The following TXNDC11 variants were observed in gnomAD, a reference collection of about 807,000 sequenced individuals.
TXNDC11 encodes thioredoxin domain-containing protein 11.
A neutral mutation model predicts 78.0 loss-of-function variants in TXNDC11; 68 were observed. The ratio of observed to expected loss-of-function variants is 0.87; its 90% CI spans 0.72 to 1.07. The LOEUF (loss-of-function observed/expected upper bound fraction) is 1.07. TXNDC11 is among the 50% of genes least tolerant of loss of function. The pLI is 0.00. For missense variants in TXNDC11, 1,389 were observed against 1,221.8 expected, an observed-to-expected ratio of 1.14 and a Z score of -2.04; for synonymous variants, 571 against 495.2, an observed-to-expected ratio of 1.15 and a Z score of -2.03.
intron 10 of TXNDC11, among the ~76,000 whole-genome samples, chr16:11,686,692 G>C (rs560359429): frequency 1.3e-5 from 2 of 152,110 alleles, no homozygotes; most frequent in African/African-American, 2.4e-5. Flanking sequence ...ACATTTATTA[G>C]GTTATAATTT....
At chr16:11,725,340 C>A (rs1265181038) in intron 4 of TXNDC11, among the ~76,000 whole-genome samples, 7 of 142,452 alleles carry the variant, frequency 4.9e-5, no homozygotes, top group Non-Finnish European at 7.7e-5. Context: ...CATATTTATT[C>A]TTTTAAGTAT....
chr16:11,703,755 G>A (rs1475071796), intron 5 of TXNDC11: 2 of 701,068 alleles, frequency 2.9e-6, no homozygotes, highest in Admixed American at 2.0e-5. Flanking sequence ...CCAGAGCTGG[G>A]GTGAAGAAAG....
rs759152334 is a variant in TXNDC11 at position 11,721,658 on chromosome 16, C to T, written c.712G>A (p.Gly238Arg). The T allele has an allele frequency of 5.0e-6, 8 of 1,609,678 alleles. No individual in the cohort carries two copies. Among genetic ancestry groups the T allele is most frequent in the East Asian group, 2.2e-5 (1 of 44,688 alleles). Residue 238 changes from glycine to arginine, a missense_variant, in exon 5 of 12, where the codon GGG becomes AGG. Transcript: ENST00000283033. ...GGTGAGCCACTGAACTCAAAGTACC[C>T]GAGTACTCCAGGCTGCAGGAAAAAG... ...FLSNYEPGVLGYFEFSGSPQP... is the reference protein window; with the variant it reads ...FLSNYEPGVLRYFEFSGSPQP...
At chr16:11,733,456 G>A (rs1167453707) in intron 3 of TXNDC11, among the ~76,000 whole-genome samples, 1 of 151,938 alleles carries the variant, frequency 6.6e-6, no homozygotes, top group East Asian at 1.9e-4. Flanking sequence ...GAATCCGGGA[G>A]GCCGAGCTTG....
chr16:11,705,051 T>C (rs147311861), intron 5 of TXNDC11, among the ~76,000 whole-genome samples: 1,625 of 152,064 alleles, frequency 0.011, 34 homozygotes, highest in African/African-American at 0.038. Context: ...TGCACCCCCA[T>C]GTCCAGCTAA....
At chr16:11,733,108 T>C (rs2052102620) in intron 3 of TXNDC11, among the ~76,000 whole-genome samples, 1 of 151,914 alleles carries the variant, frequency 6.6e-6, no homozygotes, top group South Asian at 2.1e-4. Context: ...AATACAAAAA[T>C]TAGCCGGGCG....
intron 5 of TXNDC11, among the ~76,000 whole-genome samples, chr16:11,717,843 T>C (rs888109074): frequency 6.6e-6 from 1 of 150,902 alleles, no homozygotes; most frequent in Non-Finnish European, 1.5e-5. Flanking sequence ...GAAAGGCTAA[T>C]ACAATAATGG....
At chr16:11,726,608 C>T (rs2051887413) in intron 4 of TXNDC11, among the ~76,000 whole-genome samples, 1 of 149,912 alleles carries the variant, frequency 6.7e-6, no homozygotes, top group South Asian at 2.1e-4. Context: ...AAAATTTCCA[C>T]TCTAAGCAAT....
intron 5 of TXNDC11, among the ~76,000 whole-genome samples, chr16:11,717,152 G>A (rs550702043): frequency 5.3e-5 from 8 of 151,228 alleles, no homozygotes; most frequent in African/African-American, 7.2e-5. Context: ...AAGGCCAGGC[G>A]CAGTGGCTTA....
intron 11 of TXNDC11, among the ~76,000 whole-genome samples, chr16:11,682,863 A>T (rs749341481): frequency 6.6e-6 from 1 of 152,220 alleles, no homozygotes; most frequent in Non-Finnish European, 1.5e-5. Context: ...TCCCGCAAAA[A>T]TTCTTTGAGA....
intron 11 of TXNDC11, among the ~76,000 whole-genome samples, chr16:11,682,709 G>A (rs553042904): frequency 2.6e-4 from 39 of 152,138 alleles, no homozygotes; most frequent in Admixed American, 6.5e-4. Context: ...TAGTGTTACT[G>A]TCCGTGATTC....
In TXNDC11 at chr16:11,714,456, G is replaced by A. The variant is rs567769370; in HGVS notation, c.793+7121C>T. On this transcript the variant is annotated intron_variant, in intron 5 of 11. Transcript: ENST00000283033. ...GGATCAAGACGATGCTGGCGAAAAC[G>A]GTGAAACCCCGTCTCTACTAAAAAA... 2.0e-5 allele frequency among the ~76,000 whole-genome samples: 3 copies of A among 152,200 alleles called. No homozygotes were observed. In the East Asian group the frequency reaches 5.8e-4, roughly 30 times the overall value.
In TXNDC11 at chr16:11,679,386, T is replaced by A. The variant is rs774811946; in HGVS notation, c.2686A>T (p.Ile896Phe). 12 of 1,611,152 alleles carry A rather than the reference T, an allele frequency of 7.4e-6. No individual in the cohort carries two copies. Among genetic ancestry groups the A allele is most frequent in the Non-Finnish European group, 1.0e-5 (12 of 1,178,936 alleles). Residue 896 changes from isoleucine (I) to phenylalanine (F), a missense_variant, in exon 12 of 12, where the codon ATC becomes TTC. Physicochemically the swap from Ile to Phe is conservative, Grantham distance 21. Coordinates refer to ENST00000283033, the MANE Select transcript of TXNDC11 (RefSeq NM_015914.7). This position sits in a 1 kb window ranked among gnomAD's most constrained non-coding sequence, Gnocchi z 4.6. ...TTCCTCTCCATGGTCGCCACCAGGA[T>A]CTTGAGCCACGTGTTCTCGGTAAGG... ...NLLTENTWLK[I>F]LVATMERKLE... is the part of the protein sequence containing the mutation.
chr16:11,681,864 A>C (rs892849285), intron 11 of TXNDC11, among the ~76,000 whole-genome samples: 4 of 152,118 alleles, frequency 2.6e-5, no homozygotes, highest in African/African-American at 9.7e-5. Context: ...AGGCTCTTGC[A>C]TTTTTTTCCT....
intron 1 of TXNDC11, among the ~76,000 whole-genome samples, chr16:11,739,202 A>G (rs1381335617): frequency 1.3e-5 from 2 of 152,226 alleles, no homozygotes; most frequent in Non-Finnish European, 2.9e-5. Flanking sequence ...AATATTGGCC[A>G]GGGAGAAGAA....
Position 11,722,060 on chromosome 16 carries a change from T to C in TXNDC11, c.700-390A>G, listed in dbSNP as rs189861486. 2.0e-5 allele frequency among the ~76,000 whole-genome samples: 3 copies of C among 152,334 alleles called. No individual in the cohort carries two copies. The East Asian group carries it at 5.8e-4, about 29-fold the overall frequency. ...GCTTTTAACAACTCCAGACAAGCAA[T>C]GGCAATAATTTTCTTTTAACCTTTC... is the stretch of plus-strand genomic sequence containing the variant. On this transcript the variant is annotated intron_variant, in intron 4 of 11. Coordinates refer to ENST00000283033, the MANE Select transcript of TXNDC11 (RefSeq NM_015914.7).
At chr16:11,704,787 C>T (rs2051133694) in intron 5 of TXNDC11, among the ~76,000 whole-genome samples, 1 of 152,196 alleles carries the variant, frequency 6.6e-6, no homozygotes, top group Admixed American at 6.5e-5. Context: ...AAAACCAACA[C>T]ATTGCGATAT....
At chr16:11,712,519 T>C (rs1247182059) in intron 5 of TXNDC11, among the ~76,000 whole-genome samples, 1 of 152,212 alleles carries the variant, frequency 6.6e-6, no homozygotes, top group Non-Finnish European at 1.5e-5. Context: ...GGAAATGAGA[T>C]ACATTCATCA....
At chr16:11,710,601 G>C (rs1474782701) in intron 5 of TXNDC11, among the ~76,000 whole-genome samples, 1 of 152,208 alleles carries the variant, frequency 6.6e-6, no homozygotes, top group African/African-American at 2.4e-5. Context: ...TGTAATCCCA[G>C]CACTTTGGGA....
Sources: gnomAD v4.1 joint callset for allele counts (sites outside exome capture counted in the v4.1 genomes callset) on GRCh38, gnomAD v4.1.1 for gene constraint, Gnocchi (gnomAD v3.1) non-coding constraint, MANE v1.5 for transcripts, NCBI Gene and HGNC (gene_info 2026-07-23, HGNC 2026-07-21) for gene names.